The following GPM6B variants were observed in gnomAD, a reference collection of about 807,000 sequenced individuals.
GPM6B encodes neuronal membrane glycoprotein M6-b.
In GPM6B, 4 loss-of-function variants were observed where a neutral mutation model predicts 27.2. The ratio of observed to expected loss-of-function variants is 0.15; its 90% confidence interval spans 0.07 to 0.34. The LOEUF (loss-of-function observed/expected upper bound fraction) is 0.34, where lower values mean the gene tolerates loss of function less well. GPM6B is among the 10% of genes least tolerant of loss of function. The pLI is 1.00. For synonymous variants in GPM6B, 124 were observed against 103.1 expected (o/e 1.20, Z -1.23); for missense variants, 183 against 261.9 (o/e 0.70, Z 2.08).
intron 1 of GPM6B, among the ~76,000 whole-genome samples, chrX:13,880,784 G>A (rs1437942076): frequency 9.1e-6 from 1 of 109,444 alleles, no homozygotes; most frequent in Admixed American, 9.7e-5. Context: ...CAAGGCCTTT[G>A]AGGTTCCAGC....
Position 13,817,005 on chromosome X carries a change from C to A in GPM6B, c.-101G>T. The A allele has an allele frequency of 3.5e-6, 4 of 1,136,835 alleles. No homozygotes were observed. Among genetic ancestry groups the A allele is most frequent in the Non-Finnish European group, 4.6e-6 (4 of 862,439 alleles). The allele number at this position is 1,136,835 out of a possible 1,213,427, so 93.7% of individuals were successfully genotyped here. On this transcript the variant is annotated 5_prime_UTR_variant, in exon 1 of 8. Transcript: ENST00000316715. ...GACTCCCCTCCGTCTCTTATTTACACCCGTCTGATTGAGAGGCTCTGTTCT... is the reference window on the plus strand; with the variant it reads ...GACTCCCCTCCGTCTCTTATTTACAACCGTCTGATTGAGAGGCTCTGTTCT...
intron 1 of GPM6B, among the ~76,000 whole-genome samples, chrX:13,910,109 C>G (rs1238352680): frequency 3.6e-5 from 4 of 112,250 alleles, no homozygotes; most frequent in Non-Finnish European, 5.6e-5. Context: ...AGAAAAGCCA[C>G]CAGCTACCTC....
chrX:13,799,582 A>AAAATTAGAC (rs1294907103), intron 2 of GPM6B, among the ~76,000 whole-genome samples: 1 of 109,669 alleles, frequency 9.1e-6, no homozygotes, highest in Non-Finnish European at 1.9e-5. Context: ...AATGGACACT[A>AAAATTAGAC]AAATTAGACA....
At chrX:13,886,079 CCTAT>C (rs1255946240) in intron 1 of GPM6B, among the ~76,000 whole-genome samples, 2 of 112,181 alleles carry the variant, frequency 1.8e-5, no homozygotes, top group African/African-American at 6.5e-5. Context: ...AAAATTTTGA[CCTAT>C]CTACCACTTT....
At chrX:13,910,368 A>C (rs1308661261) in intron 1 of GPM6B, among the ~76,000 whole-genome samples, 1 of 112,589 alleles carries the variant, frequency 8.9e-6, no homozygotes, top group Admixed American at 9.4e-5. Flanking sequence ...TCCACTGTAC[A>C]GTCAGGGTGA....
chrX:13,773,168 G>GCTGT (rs2048332364), intron 7 of GPM6B, 138 bp from the exon 8 acceptor site: 4 of 463,604 alleles, frequency 8.6e-6, no homozygotes, highest in African/African-American at 7.2e-5. Flanking sequence ...TACTAGCAGA[G>GCTGT]CTGTCAGATC....
chrX:13,773,331 C>T (rs1234569003), intron 7 of GPM6B: 32 of 181,103 alleles, frequency 1.8e-4, no homozygotes, highest in African/African-American at 9.7e-4. Flanking sequence ...TTTTTTAATA[C>T]CATTTTGAGA....
chrX:13,933,143 T>C (rs985877644), intron 1 of GPM6B, among the ~76,000 whole-genome samples: 1 of 112,154 alleles, frequency 8.9e-6, no homozygotes, highest in Admixed American at 9.5e-5. Flanking sequence ...AAAATGCATA[T>C]GAATCCTCAT....
Position 13,807,788 on chromosome X carries a change from A to G in GPM6B, c.62-19T>C. On this transcript the variant is annotated intron_variant, in intron 1 of 7. Coordinates refer to ENST00000316715, the MANE Select transcript of GPM6B (RefSeq NM_001001995.3). Reference sequence around the variant, plus strand: ...CTGTTCACTGCCAATTTCAGGTGGCAAAGAGTCAGTGTCTCTATCTCCAGC... The same window carrying G: ...CTGTTCACTGCCAATTTCAGGTGGCGAAGAGTCAGTGTCTCTATCTCCAGC... 2 of 1,186,334 alleles carry G rather than the reference A, an allele frequency of 1.7e-6. No homozygotes were observed. Among genetic ancestry groups the G allele is most frequent in the Non-Finnish European group, 2.3e-6 (2 of 877,792 alleles).
At chrX:13,901,573 G>A (rs986850645) in intron 1 of GPM6B, among the ~76,000 whole-genome samples, 2 of 111,640 alleles carry the variant, frequency 1.8e-5, no homozygotes, top group South Asian at 7.5e-4. Context: ...CAGGGATGAG[G>A]ACCAGTTGTT....
chrX:13,813,274 A>T (rs776671937), intron 1 of GPM6B, among the ~76,000 whole-genome samples: 9 of 103,382 alleles, frequency 8.7e-5, no homozygotes, highest in Admixed American at 1.0e-4. Flanking sequence ...TTGCTAAATT[A>T]AAAAAAAAAA....
intron 1 of GPM6B, among the ~76,000 whole-genome samples, chrX:13,860,438 GTTTT>G (rs34401183): frequency 2.3e-5 from 2 of 86,302 alleles, no homozygotes; most frequent in African/African-American, 4.3e-5. Context: ...AAAACGTGGG[GTTTT>G]TTTTTTTTTT....
intron 1 of GPM6B, among the ~76,000 whole-genome samples, chrX:13,854,546 A>G: frequency 8.9e-6 from 1 of 112,578 alleles, no homozygotes; most frequent in Middle Eastern, 4.6e-3. Flanking sequence ...CTTTTAAAAA[A>G]TAAGTAATGA....
rs189483172 is a variant in GPM6B, at chrX:13,866,089, C to T, written c.-198+72238G>A. ...AGAAGTAGGAAGAGGTCAAGCCGGG[C>T]GCAGTGGCTCACGCCTGTAATCCCA... On this transcript the variant is annotated intron_variant, in intron 1 of 6. Transcript: ENST00000398361. 2.4e-4 allele frequency among the ~76,000 whole-genome samples: 27 copies of T among 111,705 alleles called. No individual in the cohort carries two copies. The East Asian group carries it at 6.8e-3, about 28-fold the overall frequency.
chrX:13,840,386 C>T (rs771227818), intron 1 of GPM6B, among the ~76,000 whole-genome samples: 3 of 111,459 alleles, frequency 2.7e-5, no homozygotes, highest in South Asian at 3.8e-4. Context: ...AATTTTAGCA[C>T]GACCTCCCTG....
upstream of GPM6B, among the ~76,000 whole-genome samples, chrX:13,819,211 A>T (rs1217104306): frequency 8.9e-6 from 1 of 112,577 alleles, no homozygotes. Flanking sequence ...TCACAACTTC[A>T]TCATTTTCTT....
rs752222177 is a variant in GPM6B at position 13,827,264 on chromosome X, C to T, written c.-197-41456G>A. Among the ~76,000 whole-genome samples, 408 of 100,747 alleles carry T rather than the reference C, an allele frequency of 4.0e-3. 2 individuals carry two copies. Among genetic ancestry groups the T allele is most frequent in the African/African-American group, 0.014 (392 of 27,211 alleles). 87.5% of individuals were successfully genotyped at this position (100,747 alleles called of 115,157 possible). ...TTAGAAAGCCTCCTTGGTGAACTAC[C>T]GACTTCCTTTTTTTTTTTTTTTTTT... On this transcript the variant is annotated intron_variant, in intron 1 of 6. Coordinates refer to the GPM6B transcript ENST00000398361.
intron 1 of GPM6B, among the ~76,000 whole-genome samples, chrX:13,861,204 C>T (rs1199776822): frequency 2.7e-5 from 3 of 110,576 alleles, no homozygotes; most frequent in African/African-American, 9.9e-5. Flanking sequence ...TCTTTATCCA[C>T]TCGTTGATTG....
At chrX:13,830,450 G>A (rs1195652403) in intron 1 of GPM6B, among the ~76,000 whole-genome samples, 1 of 112,280 alleles carries the variant, frequency 8.9e-6, no homozygotes, top group Non-Finnish European at 1.9e-5. Context: ...TAGGGCAACC[G>A]AGTTCCTTTT....
Sources: allele counts gnomAD v4.1 joint callset (sites outside exome capture counted in the v4.1 genomes callset), GRCh38; gene constraint gnomAD v4.1.1; transcripts MANE v1.5; gene names NCBI Gene and HGNC (gene_info 2026-07-23, HGNC 2026-07-21).